The following KIAA1549 variants were observed in gnomAD, a reference collection of about 807,000 sequenced individuals.
KIAA1549 encodes UPF0606 protein KIAA1549.
KIAA1549 carries 70 observed loss-of-function variants against 156.4 expected under a neutral mutation model. That is an observed-to-expected ratio of 0.45 (90% CI 0.37 to 0.55). The LOEUF (loss-of-function observed/expected upper bound fraction) is 0.55, where lower values mean the gene tolerates loss of function less well. Ranked by LOEUF, KIAA1549 falls within the 20% of genes least tolerant of loss-of-function variation. The pLI is 0.00. For missense variants in KIAA1549, 2,428 were observed against 2,540.9 expected, an observed-to-expected ratio of 0.96 and a Z score of 0.96; for synonymous variants, 1,103 against 1,066.4, an observed-to-expected ratio of 1.03 and a Z score of -0.67.
chr7:138,902,487 A>G (rs1811869703), intron 8 of KIAA1549, among the ~76,000 whole-genome samples: 1 of 152,196 alleles, frequency 6.6e-6, no homozygotes, highest in African/African-American at 2.4e-5. Flanking sequence ...GTTGGTAAAG[A>G]AAAAAATCCA....
In KIAA1549 at chr7:138,911,222, G is replaced by T; in HGVS notation, c.3069C>A (p.Val1023=). 6.2e-7 allele frequency: 1 copy of T among 1,600,020 alleles called. No individual in the cohort carries two copies. Residue 1023 remains valine (V), a synonymous_variant, in exon 4 of 20, where the codon GTC becomes GTA. Transcript: ENST00000422774. The stretch of plus-strand genomic sequence containing the variant: ...ACAGGATTAAAGGAGTCTGGTCACG[G>T]ACAAGCTTACTGTTTATAAGCACAT... ...VINVLINSKL[V]RDQTPLILSV... is the part of the protein sequence containing the mutation.
chr7:138,923,004 C>T (rs1812606374), intron 1 of KIAA1549, among the ~76,000 whole-genome samples: 1 of 151,744 alleles, frequency 6.6e-6, no homozygotes, highest in Non-Finnish European at 1.5e-5. Context: ...ATACCATAGA[C>T]CAAAGACAAA....
At chr7:138,914,822 C>T (rs898703954) in intron 2 of KIAA1549, among the ~76,000 whole-genome samples, 3 of 152,140 alleles carry the variant, frequency 2.0e-5, no homozygotes, top group Admixed American at 1.3e-4. Context: ...TACATGGATA[C>T]CTAATACAGG....
At chr7:138,878,367 T>G (rs1476176508) in intron 12 of KIAA1549, among the ~76,000 whole-genome samples, 1 of 152,278 alleles carries the variant, frequency 6.6e-6, no homozygotes, top group Non-Finnish European at 1.5e-5. Flanking sequence ...CCTGGGCTTC[T>G]GTCCAGTCTG....
intron 12 of KIAA1549, among the ~76,000 whole-genome samples, chr7:138,875,181 T>A (rs1811045347): frequency 6.6e-6 from 1 of 152,222 alleles, no homozygotes. Context: ...TACCCTGATT[T>A]GATCATCACA....
In KIAA1549 at chr7:138,850,872, T is replaced by C. The variant is rs191411008; in HGVS notation, c.5294+1351A>G. Among the ~76,000 whole-genome samples, 194 of 152,326 alleles carry C rather than the reference T, an allele frequency of 1.3e-3. 2 individuals are homozygous for C. The highest frequency in any genetic ancestry group is 6.8e-3 in the Middle Eastern group (2 of 294). On this transcript the variant is annotated intron_variant, in intron 17 of 19. Coordinates refer to ENST00000422774, the MANE Select transcript of KIAA1549 (RefSeq NM_001164665.2). ...TTTTTGGTTTCTAACTTAATTCTAC[T>C]AGGATTAGCAAATATACTCTGAGTG...
At chr7:138,878,694 C>T (rs933653437) in intron 12 of KIAA1549, among the ~76,000 whole-genome samples, 6 of 151,660 alleles carry the variant, frequency 4.0e-5, no homozygotes, top group Admixed American at 6.6e-5. Context: ...CCTGAGAGGT[C>T]GAGGCTGCAG....
chr7:138,943,391 T>C (rs1241891248), intron 1 of KIAA1549, among the ~76,000 whole-genome samples: 2 of 152,240 alleles, frequency 1.3e-5, no homozygotes, highest in Admixed American at 6.5e-5. Flanking sequence ...ACGAAACTCA[T>C]GCCTGTGGAA....
intron 8 of KIAA1549, among the ~76,000 whole-genome samples, chr7:138,902,729 C>T (rs1811876477): frequency 6.6e-6 from 1 of 152,064 alleles, no homozygotes; most frequent in South Asian, 2.1e-4. Flanking sequence ...GAGTCGCTTG[C>T]ACCTGGGAGG....
intron 1 of KIAA1549, among the ~76,000 whole-genome samples, chr7:138,924,765 G>A (rs1812664451): frequency 6.6e-6 from 1 of 152,080 alleles, no homozygotes; most frequent in South Asian, 2.1e-4. Flanking sequence ...GAAAACCCAG[G>A]CGAGTCTCTC....
intron 10 of KIAA1549, among the ~76,000 whole-genome samples, chr7:138,885,073 T>TA (rs1811351742): frequency 6.6e-6 from 1 of 152,154 alleles, no homozygotes; most frequent in South Asian, 2.1e-4. Flanking sequence ...CACGTGCCTG[T>TA]AATCCCAGCT....
chr7:138,900,991 T>G (rs1487360382), intron 8 of KIAA1549, among the ~76,000 whole-genome samples: 1 of 152,136 alleles, frequency 6.6e-6, no homozygotes, highest in Non-Finnish European at 1.5e-5. Context: ...GCCAAGAAAA[T>G]CTAATCCCAG....
At chr7:138,841,866 G>A (rs995994815) in intron 18 of KIAA1549, among the ~76,000 whole-genome samples, 4 of 147,010 alleles carry the variant, frequency 2.7e-5, no homozygotes, top group East Asian at 2.0e-4. Flanking sequence ...GTACCTGACC[G>A]ACAACCTCAA....
intron 14 of KIAA1549, 31 bp downstream of exon 14, chr7:138,869,507 C>A: frequency 6.6e-7 from 1 of 1,523,072 alleles, no homozygotes; most frequent in Non-Finnish European, 8.9e-7. Flanking sequence ...TGCGCGCCCG[C>A]CCCACCGCCT....
At chr7:138,886,596 G>A (rs1811398022) in intron 10 of KIAA1549, among the ~76,000 whole-genome samples, 1 of 151,990 alleles carries the variant, frequency 6.6e-6, no homozygotes, top group Non-Finnish European at 1.5e-5. Context: ...TTTATAAGCT[G>A]AAATTCTCGG....
chr7:138,849,872 T>C (rs1290158370), intron 17 of KIAA1549, among the ~76,000 whole-genome samples: 1 of 152,214 alleles, frequency 6.6e-6, no homozygotes, highest in Non-Finnish European at 1.5e-5. Context: ...GCTCCATCCA[T>C]GTTCCTGCAA....
chr7:138,837,948 C>A lies in KIAA1549; in HGVS notation c.5811G>T (p.Arg1937=), dbSNP rs755098074. The part of the protein sequence containing the change: ...LIKAIREELL[R]LSQKQSTVQN... Reference sequence around the variant, plus strand: ...GCACGGTGCTCTGTTTCTGGGAGAGCCGGAGGAGCTCCTCGCGGATTGCTT... The same window carrying A: ...GCACGGTGCTCTGTTTCTGGGAGAGACGGAGGAGCTCCTCGCGGATTGCTT... Residue 1937 remains arginine (R), a synonymous_variant, in exon 20 of 20, where the codon CGG becomes CGT. Transcript: ENST00000422774. 1 of 1,613,852 alleles carries A rather than the reference C, an allele frequency of 6.2e-7. No homozygotes were observed.
chr7:138,837,012 G>A lies in KIAA1549; in HGVS notation c.*894C>T, dbSNP rs975177008. 24 of 228,286 alleles carry A rather than the reference G, an allele frequency of 1.1e-4. No homozygotes were observed. The highest frequency in any genetic ancestry group is 3.5e-4 in the African/African-American group (16 of 45,204). 14.1% of individuals were successfully genotyped at this position (228,286 alleles called of 1,614,324 possible). A position where few individuals can be genotyped will look rare whatever the true frequency, so the allele number is the denominator to read the frequency against. On this transcript the variant is annotated 3_prime_UTR_variant, in exon 20 of 20. Transcript: ENST00000422774. The stretch of plus-strand genomic sequence containing the variant: ...GATCAGTTAGGACCTCTTGAAAGCC[G>A]CATTCTACAGGATCGGCCTTAGCGA...
At chr7:138,894,733 C>T (rs972234591) in intron 9 of KIAA1549, among the ~76,000 whole-genome samples, 3 of 152,122 alleles carry the variant, frequency 2.0e-5, no homozygotes, top group African/African-American at 7.2e-5. Flanking sequence ...GGGATCACAA[C>T]GACATATGGA....
Sources: gnomAD v4.1 joint callset for allele counts (sites outside exome capture counted in the v4.1 genomes callset) on GRCh38, gnomAD v4.1.1 for gene constraint, MANE v1.5 for transcripts, NCBI Gene and HGNC (gene_info 2026-07-23, HGNC 2026-07-21) for gene names.